TRIP13: variants seen among roughly 807,000 people sequenced by gnomAD.
TRIP13 encodes pachytene checkpoint protein 2 homolog.
TRIP13 carries 25 observed loss-of-function variants against 54.4 expected under a neutral mutation model. The observed-to-expected ratio is 0.46, with a 90% CI of 0.33 to 0.64. TRIP13 has a LOEUF of 0.64. TRIP13 is among the 30% of genes least tolerant of loss of function. The pLI is 0.02. For synonymous variants in TRIP13, 207 were observed against 207.8 expected (o/e 1.00, Z 0.03); for missense variants, 373 against 534.2 (o/e 0.70, Z 2.97).
rs1338227110 is a variant in TRIP13, at chr5:908,579, T to C, written c.866+118T>C. 6 of 1,524,248 alleles carry C rather than the reference T, an allele frequency of 3.9e-6. No individual in the cohort carries two copies. The highest frequency in any genetic ancestry group is 1.4e-5 in the African/African-American group (1 of 73,432). The allele number at this position is 1,524,248 out of a possible 1,614,324, so 94.4% of individuals were successfully genotyped here. On this transcript the variant is annotated intron_variant, in intron 9 of 12. Transcript: ENST00000166345. The surrounding 1 kb of genome is among the most constrained non-coding windows in gnomAD (Gnocchi z 5.2). ...CCCAGCTCTTTCACCGGAAAGTGCA[T>C]TTGGCATTGAGTATCGACTCCTTTT...
chr5:918,556 C>T (rs1231257184), downstream of TRIP13, among the ~76,000 whole-genome samples: 3 of 152,148 alleles, frequency 2.0e-5, no homozygotes. This position sits in a 1 kb window ranked among gnomAD's most constrained non-coding sequence, Gnocchi z 4.3. Context: ...AGGCAAAAGA[C>T]TCATCTGAGA....
rs754712257 is a variant in TRIP13 at position 908,392 on chromosome 5, C to T, written c.797C>T (p.Ala266Val). 2.3e-5 allele frequency: 37 copies of T among 1,613,160 alleles called. No individual in the cohort carries two copies. The highest frequency in any genetic ancestry group is 2.0e-4 in the East Asian group (9 of 44,890). ...ACAGCCGCCCGAAATGCCTGCAGGGCGGGCACCGAGCCATCAGATGCCATC... is the reference window on the plus strand; with the variant it reads ...ACAGCCGCCCGAAATGCCTGCAGGGTGGGCACCGAGCCATCAGATGCCATC... The part of the protein sequence containing the change: ...SLTAARNACR[A>V]GTEPSDAIRV... Residue 266 changes from alanine (A) to valine (V), a missense_variant, in exon 9 of 13, where the codon GCG becomes GTG. Physicochemically the swap from Ala to Val is moderately conservative, Grantham distance 64. Transcript: ENST00000166345. This position sits in a 1 kb window ranked among gnomAD's most constrained non-coding sequence, Gnocchi z 5.2.
intron 2 of TRIP13, among the ~76,000 whole-genome samples, chr5:895,687 C>T (rs1462402202): frequency 4.6e-5 from 7 of 152,188 alleles, no homozygotes; most frequent in Admixed American, 4.6e-4. Context: ...AAGAGCTTCC[C>T]ACACTGTTGT....
intron 9 of TRIP13, among the ~76,000 whole-genome samples, chr5:909,445 G>A (rs1424773058): frequency 2.6e-5 from 4 of 152,190 alleles, no homozygotes; most frequent in African/African-American, 4.8e-5. Flanking sequence ...GCAGAGGAAC[G>A]TTTTGTCCAG....
chr5:909,510 G>A (rs1754185498), intron 9 of TRIP13, among the ~76,000 whole-genome samples: 1 of 152,098 alleles, frequency 6.6e-6, no homozygotes, highest in Non-Finnish European at 1.5e-5. Flanking sequence ...AGAAGCGCTC[G>A]TTTTGGGGTC....
chr5:900,434 T>G, intron 3 of TRIP13, 60 bp from the exon 4 acceptor site: 1 of 1,563,134 alleles, frequency 6.4e-7, no homozygotes, highest in Non-Finnish European at 8.8e-7. Context: ...GGAGACTGAC[T>G]GGGGGTGGCT....
Position 896,557 on chromosome 5 carries a change from A to G in TRIP13, c.259-108A>G. ...TCTAATCTGAGAACTAGCTTTGATT[A>G]TACTGTACATTCAGTTTTTATTTGT... On this transcript the variant is annotated intron_variant, in intron 2 of 12. Transcript: ENST00000166345. 4 of 1,216,718 alleles carry G rather than the reference A, an allele frequency of 3.3e-6. No individual in the cohort carries two copies. In the South Asian group the frequency reaches 4.8e-5, roughly 15 times the overall value. The allele number at this position is 1,216,718 out of a possible 1,614,324, so 75.4% of individuals were successfully genotyped here.
At position 913,796 on chromosome 5, in the gene TRIP13, A is replaced by G. The variant is rs1179400922; in HGVS notation, c.1021-669A>G. Among the ~76,000 whole-genome samples the G allele has an allele frequency of 1.3e-5, 2 of 152,192 alleles. No homozygotes were observed. Among genetic ancestry groups the G allele is most frequent in the East Asian group, 3.9e-4 (2 of 5,194 alleles). On this transcript the variant is annotated intron_variant, in intron 10 of 12. Coordinates refer to ENST00000166345, the MANE Select transcript of TRIP13 (RefSeq NM_004237.4). The surrounding 1 kb of genome is among the most constrained non-coding windows in gnomAD (Gnocchi z 4.5). Reference sequence around the variant, plus strand: ...GTCTTAATTTTGCTCACACCCCTCAACAAACCTCCAAAATGTTCAGACAAT... The same window carrying G: ...GTCTTAATTTTGCTCACACCCCTCAGCAAACCTCCAAAATGTTCAGACAAT...
chr5:905,772 A>T (rs367614095), intron 6 of TRIP13, among the ~76,000 whole-genome samples: 31 of 152,336 alleles, frequency 2.0e-4, no homozygotes, highest in African/African-American at 7.5e-4. Flanking sequence ...AAATCCTGTG[A>T]GGTTTAATTT....
chr5:914,651 TGAG>T lies in TRIP13; in HGVS notation c.1133+78_1133+80del, dbSNP rs1285073647. 2.3e-6 allele frequency: 3 copies of T among 1,279,732 alleles called. No individual in the cohort carries two copies. The Admixed American group carries it at 5.1e-5, about 22-fold the overall frequency. 79.3% of individuals were successfully genotyped at this position (1,279,732 alleles called of 1,614,324 possible). A position where few individuals can be genotyped will look rare whatever the true frequency, so the allele number is the denominator to read the frequency against. The stretch of plus-strand genomic sequence containing the variant: ...TTAACTAGGGAGTCATTGTTTCCTT[TGAG>T]GAGACCAGGGAGGGCCCTGGGTGTG... On this transcript the variant is annotated intron_variant, in intron 11 of 12. Transcript: ENST00000166345.
intron 12 of TRIP13, 138 bp from the exon 13 acceptor site, chr5:916,870 C>A: frequency 1.6e-6 from 1 of 622,094 alleles, no homozygotes; most frequent in Non-Finnish European, 2.7e-6. Context: ...GTGTGTGGTG[C>A]GCACTCACTG....
At chr5:914,688 A>G (rs1754306808) in intron 11 of TRIP13, 111 bp downstream of exon 11, 1 of 808,056 alleles carries the variant, frequency 1.2e-6, no homozygotes, top group Non-Finnish European at 2.1e-6. Context: ...TGAACTCTCA[A>G]CACAGTATAG....
At chr5:894,408 C>G (rs1753842913) in intron 1 of TRIP13, among the ~76,000 whole-genome samples, 1 of 152,134 alleles carries the variant, frequency 6.6e-6, no homozygotes, top group African/African-American at 2.4e-5. Context: ...CAATGCAGAC[C>G]CCAGGCCTGA....
intron 12 of TRIP13, 36 bp downstream of exon 12, chr5:916,009 G>T: frequency 6.2e-7 from 1 of 1,600,698 alleles, no homozygotes; most frequent in Non-Finnish European, 8.6e-7. Flanking sequence ...CACCCGCCCT[G>T]TCCACAGGTC....
chr5:893,098 G>T lies in TRIP13; in HGVS notation c.92+8G>T, dbSNP rs1039578443. 3.2e-6 allele frequency: 5 copies of T among 1,583,274 alleles called. No individual in the cohort carries two copies. Among genetic ancestry groups the T allele is most frequent in the Non-Finnish European group, 3.4e-6 (4 of 1,171,184 alleles). On this transcript the variant is annotated splice_region_variant and intron_variant, in intron 1 of 12. Coordinates refer to ENST00000166345, the MANE Select transcript of TRIP13 (RefSeq NM_004237.4). The stretch of plus-strand genomic sequence containing the variant: ...GCATCAGCGCGGCAGCAGGTGAGCC[G>T]GACCTGTCCGACACATCCTCTGGGC...
intron 10 of TRIP13, 79 bp from the exon 11 acceptor site, chr5:914,386 G>C (rs1021448956): frequency 1.1e-6 from 1 of 944,214 alleles, no homozygotes; most frequent in Non-Finnish European, 1.7e-6. Context: ...TGACCTGCAG[G>C]TGCTGTCCCT....
In TRIP13 at chr5:893,056, A is replaced by G. The variant is rs751923053; in HGVS notation, c.58A>G (p.Thr20Ala). Residue 20 changes from threonine to alanine, a missense_variant, in exon 1 of 13, where the codon ACG becomes GCG. Physicochemically the swap from Thr to Ala is moderately conservative, Grantham distance 58. This residue lies in a region of TRIP13 where 151 missense variants were observed against 151.9 expected (regional missense o/e 0.99). Coordinates refer to ENST00000166345, the MANE Select transcript of TRIP13 (RefSeq NM_004237.4). ...GCTTCCCTGTGTGGCCGAGTCGCCA[A>G]CGGTCCACGTGGAGGTGCATCAGCG... ...QALPCVAESP[T>A]VHVEVHQRGS... is the part of the protein sequence containing the mutation. 3.1e-6 allele frequency: 5 copies of G among 1,598,108 alleles called. No homozygotes were observed. The Admixed American group carries it at 5.1e-5, about 16-fold the overall frequency.
chr5:896,993 G>A (rs1475369983), intron 3 of TRIP13, among the ~76,000 whole-genome samples, 199 bp downstream of exon 3: 1 of 152,200 alleles, frequency 6.6e-6, no homozygotes, highest in Non-Finnish European at 1.5e-5. Flanking sequence ...TGTTCCTTTG[G>A]GTGGGTACCT....
intron 2 of TRIP13, 100 bp from the exon 3 acceptor site, chr5:896,565 C>T (rs1753919588): frequency 7.8e-7 from 1 of 1,285,286 alleles, no homozygotes; most frequent in Admixed American, 2.2e-5. Flanking sequence ...TTATACTGTA[C>T]ATTCAGTTTT....
Sources: allele counts gnomAD v4.1 joint callset (sites outside exome capture counted in the v4.1 genomes callset), GRCh38; gene constraint gnomAD v4.1.1; regional missense constraint gnomAD v4.1.1; non-coding constraint Gnocchi (gnomAD v3.1); transcripts MANE v1.5; gene names NCBI Gene and HGNC (gene_info 2026-07-23, HGNC 2026-07-21).